Variants in RETREG3 observed in about 807,000 individuals in gnomAD.
RETREG3 encodes reticulophagy regulator 3.
In RETREG3, 23 loss-of-function variants were observed where a neutral mutation model predicts 50.2. The observed-to-expected ratio is 0.46, with a 90% CI of 0.33 to 0.65. The LOEUF is 0.65. RETREG3 is among the 30% of genes least tolerant of loss of function. The pLI, the probability that RETREG3 is intolerant of heterozygous loss-of-function variation, is 0.02. For missense variants in RETREG3, 546 were observed against 598.0 expected (o/e 0.91, Z 0.91); for synonymous variants, 240 against 234.4 (o/e 1.02, Z -0.22).
At chr17:42,608,475 T>C (rs1049095283) in intron 1 of RETREG3, among the ~76,000 whole-genome samples, 1 of 152,204 alleles carries the variant, frequency 6.6e-6, no homozygotes, top group Non-Finnish European at 1.5e-5. Flanking sequence ...ACAGGTGGCT[T>C]TGACACGCGT....
intron 4 of RETREG3, chr17:42,586,401 C>T: frequency 2.2e-6 from 1 of 446,968 alleles, no homozygotes. Flanking sequence ...CAAAAATTCT[C>T]TCTGAAAGCA....
chr17:42,584,507 G>A (rs2093116904), intron 6 of RETREG3, among the ~76,000 whole-genome samples: 1 of 152,086 alleles, frequency 6.6e-6, no homozygotes, highest in African/African-American at 2.4e-5. Flanking sequence ...CCAGGCTTAG[G>A]AGTTGAAAGG....
At chr17:42,584,815 C>CAA (rs71157643) in intron 6 of RETREG3, among the ~76,000 whole-genome samples, 31 of 82,518 alleles carry the variant, frequency 3.8e-4, no homozygotes, top group Non-Finnish European at 4.7e-4. Context: ...GACCCTGTCT[C>CAA]AAAAAAAAAA....
intron 2 of RETREG3, 121 bp from the exon 3 acceptor site, chr17:42,587,985 G>T: frequency 9.5e-7 from 1 of 1,053,996 alleles, no homozygotes; most frequent in Non-Finnish European, 1.5e-6. Flanking sequence ...AGTAATAGCC[G>T]ATAAAAAAGG....
At chr17:42,604,843 C>A (rs1162377735) in intron 1 of RETREG3, among the ~76,000 whole-genome samples, 1 of 151,960 alleles carries the variant, frequency 6.6e-6, no homozygotes, top group Non-Finnish European at 1.5e-5. Context: ...GAGTACAAGT[C>A]AAACCAAAAA....
chr17:42,587,715 A>G, intron 3 of RETREG3, 119 bp downstream of exon 3: 1 of 1,220,602 alleles, frequency 8.2e-7, no homozygotes, highest in Non-Finnish European at 1.2e-6. Context: ...ATCATTTGGA[A>G]CAGCCTAGGT....
intron 1 of RETREG3, among the ~76,000 whole-genome samples, chr17:42,603,848 G>A (rs1334954915): frequency 1.3e-5 from 2 of 152,100 alleles, no homozygotes; most frequent in African/African-American, 4.8e-5. Flanking sequence ...ATGGTGGCGG[G>A]CGCCTGTAGT....
chr17:42,606,558 G>A lies in RETREG3; in HGVS notation c.239+2528C>T, dbSNP rs143545283. ...AGAGCTTGCAGTGGGCCGAGATGGC[G>A]CCACTGCACTCCAGCCTGGGCGACA... On this transcript the variant is annotated intron_variant, in intron 1 of 8. Coordinates refer to ENST00000309428, the MANE Select transcript of RETREG3 (RefSeq NM_178126.4). Among the ~76,000 whole-genome samples, 107 of 149,932 alleles carry A rather than the reference G, an allele frequency of 7.1e-4. 2 individuals carry two copies. Among genetic ancestry groups the A allele is most frequent in the African/African-American group, 2.6e-3 (105 of 40,700 alleles).
chr17:42,608,785 G>GTGGTC, intron 1 of RETREG3: 1 of 357,978 alleles, frequency 2.8e-6, no homozygotes. Flanking sequence ...AGCTTTGTCG[G>GTGGTC]GCTCAAAAGA....
intron 1 of RETREG3, among the ~76,000 whole-genome samples, chr17:42,606,608 A>G (rs1217349523): frequency 6.6e-6 from 1 of 150,728 alleles, no homozygotes; most frequent in Non-Finnish European, 1.5e-5. Context: ...CTCAAAAAAC[A>G]AAAATTAATT....
Position 42,582,228 on chromosome 17 carries a change from T to C in RETREG3, c.986A>G (p.Asp329Gly). Residue 329 changes from aspartate to glycine, a missense_variant, in exon 9 of 9, where the codon GAC becomes GGC. By Grantham distance (94) the Asp-to-Gly change is moderately conservative. Coordinates refer to ENST00000309428, the MANE Select transcript of RETREG3 (RefSeq NM_178126.4). Reference protein sequence around the residue: ...HSDPEESFARDLPDFPSINMD... With the variant: ...HSDPEESFARGLPDFPSINMD... The stretch of plus-strand genomic sequence containing the variant: ...ATTAATGGAAGGGAAGTCTGGAAGG[T>C]CTCTGGCAAAGGATTCCTCTGGATC... 1.2e-6 allele frequency: 2 copies of C among 1,611,418 alleles called. No individual in the cohort carries two copies. The highest frequency in any genetic ancestry group is 1.7e-5 in the Admixed American group (1 of 60,000).
chr17:42,606,895 G>A (rs1179460867), intron 1 of RETREG3, among the ~76,000 whole-genome samples: 1 of 152,048 alleles, frequency 6.6e-6, no homozygotes, highest in Admixed American at 6.6e-5. Flanking sequence ...TGCTCGGGAG[G>A]CTGAGGCAGG....
chr17:42,597,619 ATTTTTTT>A (rs869223820), intron 1 of RETREG3, among the ~76,000 whole-genome samples: 10 of 14,362 alleles, frequency 7.0e-4, no homozygotes, highest in African/African-American at 3.2e-3. Flanking sequence ...ATATATATAT[ATTTTTTT>A]TTTTTTTTTT....
chr17:42,602,880 T>C (rs561825235), intron 1 of RETREG3, among the ~76,000 whole-genome samples: 2 of 152,048 alleles, frequency 1.3e-5, no homozygotes, highest in African/African-American at 2.4e-5. Flanking sequence ...GAGGTTGAGG[T>C]TGCAATAAGC....
At chr17:42,592,560 T>C (rs1181186612) in intron 1 of RETREG3, among the ~76,000 whole-genome samples, 1 of 152,198 alleles carries the variant, frequency 6.6e-6, no homozygotes, top group East Asian at 1.9e-4. Context: ...CTCAAGAGCA[T>C]TTAATTCAAT....
In RETREG3 at chr17:42,585,108, G is replaced by A. The variant is rs1175688506; in HGVS notation, c.727+17C>T. On this transcript the variant is annotated intron_variant, in intron 6 of 8. Coordinates refer to ENST00000309428, the MANE Select transcript of RETREG3 (RefSeq NM_178126.4). The stretch of plus-strand genomic sequence containing the variant: ...CCCAAATTGCGTAAGTGGAAAGAAT[G>A]ACACCATGACACTTACATTGTCTCT... 1.2e-6 allele frequency: 2 copies of A among 1,610,436 alleles called. No individual in the cohort carries two copies. Among genetic ancestry groups the A allele is most frequent in the East Asian group, 2.2e-5 (1 of 44,842 alleles).
At chr17:42,584,187 A>G (rs1175117147) in intron 6 of RETREG3, among the ~76,000 whole-genome samples, 2 of 152,172 alleles carry the variant, frequency 1.3e-5, no homozygotes, top group Non-Finnish European at 2.9e-5. Context: ...AGGCAGACCT[A>G]ATGTCAAGGT....
At chr17:42,588,847 G>C (rs1288265017) in intron 2 of RETREG3, among the ~76,000 whole-genome samples, 2 of 152,112 alleles carry the variant, frequency 1.3e-5, no homozygotes. Context: ...AGTAGAGACA[G>C]GTTTTTGCTA....
chr17:42,597,359 T>G (rs758875712), intron 1 of RETREG3, among the ~76,000 whole-genome samples: 1 of 149,482 alleles, frequency 6.7e-6, no homozygotes, highest in Non-Finnish European at 1.5e-5. Flanking sequence ...CAGCTAATTT[T>G]TGTATTTTTA....
Sources: gnomAD v4.1 joint callset for allele counts (sites outside exome capture counted in the v4.1 genomes callset) on GRCh38, gnomAD v4.1.1 for gene constraint, MANE v1.5 for transcripts, NCBI Gene and HGNC (gene_info 2026-07-23, HGNC 2026-07-21) for gene names.